Variants in SYCE1 observed in about 807,000 individuals in gnomAD.
SYCE1 encodes the protein synaptonemal complex central element protein 1.
SYCE1 carries 37 observed loss-of-function variants against 55.1 expected under a neutral mutation model. That is an observed-to-expected ratio of 0.67 (90% CI 0.52 to 0.88). The LOEUF (loss-of-function observed/expected upper bound fraction) is 0.88. Ranked by LOEUF, SYCE1 falls within the 40% of genes least tolerant of loss-of-function variation. The probability of loss-of-function intolerance (pLI) is 0.00; values close to 1 mark genes in which losing one functional copy is unlikely to be tolerated. For synonymous variants in SYCE1, 163 were observed against 159.4 expected, an observed-to-expected ratio of 1.02 and a Z score of -0.17; for missense variants, 399 against 416.4, an observed-to-expected ratio of 0.96 and a Z score of 0.36.
At chr10:133,566,579 G>A (rs1311529654), upstream of SYCE1, among the ~76,000 whole-genome samples, 283 of 122,112 alleles carry the variant, frequency 2.3e-3, no homozygotes, top group African/African-American at 7.4e-3. Context: ...AGGGTTTTAC[G>A]GTTAGGGTCA....
intron 1 of SYCE1, among the ~76,000 whole-genome samples, chr10:133,562,805 T>C (rs1344426442): frequency 6.6e-6 from 1 of 152,214 alleles, no homozygotes; most frequent in Non-Finnish European, 1.5e-5. Flanking sequence ...GGATTCAGTG[T>C]GGCCTCTTCC....
chr10:133,566,855 AG>A (rs1851952442), upstream of SYCE1, among the ~76,000 whole-genome samples: 1 of 23,288 alleles, frequency 4.3e-5, no homozygotes, highest in African/African-American at 5.3e-5. Flanking sequence ...TAGTGTTGTT[AG>A]GGTTAGGGTT....
intron 2 of SYCE1, 176 bp from the exon 3 acceptor site, chr10:133,559,536 C>T (rs1482979451): frequency 4.7e-6 from 3 of 631,792 alleles, no homozygotes; most frequent in Non-Finnish European, 8.6e-6. Context: ...GGAACAGACA[C>T]AATAAGATAC....
At chr10:133,568,096 G>A (rs1851992129), upstream of SYCE1, 2 of 715,354 alleles carry the variant, frequency 2.8e-6, no homozygotes. Context: ...GCCAGGCCTA[G>A]GGCCGCAGCA....
chr10:133,560,527 GT>G (rs1227100528), intron 1 of SYCE1: 1 of 160,824 alleles, frequency 6.2e-6, no homozygotes, highest in South Asian at 2.0e-4. Context: ...TTCTTAGAGA[GT>G]TTTCTACAAA....
chr10:133,561,658 G>A (rs571437423), intron 1 of SYCE1, among the ~76,000 whole-genome samples: 2 of 152,266 alleles, frequency 1.3e-5, no homozygotes, highest in Non-Finnish European at 2.9e-5. Flanking sequence ...CTTGGCTAAA[G>A]GTAAAATTAA....
chr10:133,567,875 G>A (rs562139975), upstream of SYCE1: 179 of 478,818 alleles, frequency 3.7e-4, no homozygotes, highest in African/African-American at 2.9e-3. Context: ...TCTCCTCTAG[G>A]TGGGAGGTGG....
chr10:133,567,157 C>T (rs546327739), upstream of SYCE1, among the ~76,000 whole-genome samples: 38 of 147,308 alleles, frequency 2.6e-4, no homozygotes, highest in Admixed American at 5.4e-4. Context: ...GTCAGGGGTC[C>T]GGTCAAGGGT....
intron 1 of SYCE1, chr10:133,560,986 A>C (rs1317593158): frequency 6.6e-6 from 1 of 151,944 alleles, no homozygotes; most frequent in African/African-American, 2.4e-5. Context: ...CTTGAAGCAA[A>C]CCCCCCTGCT....
intron 11 of SYCE1, 50 bp from the exon 12 acceptor site, chr10:133,555,488 G>A (rs755824955): frequency 6.2e-7 from 1 of 1,612,298 alleles, no homozygotes. Context: ...AAAGGGTGGA[G>A]GAGGGACAAG....
chr10:133,564,554 A>C, intron 1 of SYCE1: 46 of 375,502 alleles, frequency 1.2e-4, no homozygotes, highest in Non-Finnish European at 1.6e-4. Flanking sequence ...GCCACATCTC[A>C]CTGTAGGGAT....
intron 10 of SYCE1, 23 bp from the exon 11 acceptor site, chr10:133,555,730 G>T (rs764799873): frequency 1.2e-5 from 19 of 1,607,606 alleles, no homozygotes; most frequent in Non-Finnish European, 1.5e-5. Flanking sequence ...GTAGGGGGTG[G>T]TCAGCACCGG....
chr10:133,555,098 G>A lies in SYCE1; in HGVS notation c.950C>T (p.Pro317Leu). 2 of 1,551,040 alleles carry A rather than the reference G, an allele frequency of 1.3e-6. No individual in the cohort carries two copies. Among genetic ancestry groups the A allele is most frequent in the Non-Finnish European group, 1.7e-6 (2 of 1,146,846 alleles). The change falls in exon 13 of 13, where the codon CCT becomes CTT. Residue 317 changes from proline to leucine, a missense_variant. Physicochemically the swap from Pro to Leu is moderately conservative, Grantham distance 98. Coordinates refer to ENST00000343131, the MANE Select transcript of SYCE1 (RefSeq NM_001143764.3). The part of the protein sequence containing the change: ...ASPKPLKGER[P>L]GAAHQAGPDV... ...AGGCCCTGCTTGGTGTGCAGCTCCA[G>A]GTCTTTCTCCTTTTAGGGGCTTGGG...
chr10:133,560,466 G>T (rs1851793450), intron 1 of SYCE1: 1 of 193,914 alleles, frequency 5.2e-6, no homozygotes, highest in Non-Finnish European at 1.0e-5. Context: ...TAAAAAACTG[G>T]AGCAAGGAGT....
chr10:133,566,163 C>T (rs1851930348), upstream of SYCE1, among the ~76,000 whole-genome samples: 11 of 152,218 alleles, frequency 7.2e-5, no homozygotes, highest in South Asian at 2.3e-3. Context: ...GCGCTGGGGC[C>T]ACCGTGGAGG....
At chr10:133,560,021 C>A (rs1209782725) in intron 2 of SYCE1, 70 bp downstream of exon 2, 1 of 1,289,668 alleles carries the variant, frequency 7.8e-7, no homozygotes, top group African/African-American at 1.4e-5. Flanking sequence ...CATTGTGGGG[C>A]CTGAAATTAA....
chr10:133,562,450 G>C (rs1460682106), intron 1 of SYCE1, among the ~76,000 whole-genome samples: 2 of 151,692 alleles, frequency 1.3e-5, no homozygotes, highest in African/African-American at 4.8e-5. Flanking sequence ...CCTTTCCCTT[G>C]AACGCTCTGC....
chr10:133,563,448 C>G (rs1851859889), intron 1 of SYCE1, among the ~76,000 whole-genome samples: 1 of 152,148 alleles, frequency 6.6e-6, no homozygotes, highest in African/African-American at 2.4e-5. Context: ...TTTTGGGAGA[C>G]TGAGGCAGGA....
intron 1 of SYCE1, chr10:133,560,878 C>T (rs1041982805): frequency 3.9e-5 from 6 of 152,154 alleles, no homozygotes; most frequent in Admixed American, 1.3e-4. Context: ...AGTCATCCTT[C>T]TTCTTACTCA....
Sources: gnomAD v4.1 joint callset for allele counts (sites outside exome capture counted in the v4.1 genomes callset) on GRCh38, gnomAD v4.1.1 for gene constraint, MANE v1.5 for transcripts, NCBI Gene and HGNC (gene_info 2026-07-23, HGNC 2026-07-21) for gene names.